Variants in CLASP1 observed in about 807,000 individuals in gnomAD.
The protein encoded by CLASP1 is CLIP-associating protein 1.
Under a neutral mutation model 192.3 loss-of-function variants are expected in CLASP1, and 38 were observed. That is an observed-to-expected ratio of 0.20 (90% confidence interval 0.15 to 0.26). The LOEUF is 0.26. CLASP1 is among the 10% of genes least tolerant of loss of function. CLASP1 has a pLI of 1.00. For missense variants in CLASP1, 1,433 were observed against 1,932.5 expected (o/e 0.74, Z 4.85); for synonymous variants, 691 against 712.8 (o/e 0.97, Z 0.49).
chr2:121,629,261 G>A (rs556541731), intron 1 of CLASP1, among the ~76,000 whole-genome samples: 34 of 152,122 alleles, frequency 2.2e-4, no homozygotes, highest in African/African-American at 8.0e-4. Context: ...ATGGTGGCAG[G>A]CACCTGCAGT....
chr2:121,548,876 A>G (rs2057729231), intron 2 of CLASP1, among the ~76,000 whole-genome samples: 1 of 152,220 alleles, frequency 6.6e-6, no homozygotes, highest in Admixed American at 6.5e-5. Flanking sequence ...ATGTTGAAGG[A>G]GTTCGTTACC....
chr2:121,339,002 G>A (rs2062569598), exon 40 of CLASP1: 1 of 152,484 alleles, frequency 6.6e-6, no homozygotes, highest in African/African-American at 2.4e-5. Context: ...AAAAGACCTG[G>A]TCCTGCTATA....
chr2:121,584,023 C>T (rs912917165), intron 2 of CLASP1, among the ~76,000 whole-genome samples: 12 of 152,106 alleles, frequency 7.9e-5, no homozygotes, highest in Admixed American at 2.0e-4. Context: ...AAGGTATCAT[C>T]CTGGTAGCCA....
chr2:121,435,196 T>G (rs768588653), intron 19 of CLASP1, among the ~76,000 whole-genome samples: 4 of 152,240 alleles, frequency 2.6e-5, no homozygotes, highest in Non-Finnish European at 5.9e-5. Context: ...TTGCTAGAGC[T>G]TTAAAATAAA....
At chr2:121,527,876 T>C in exon 5 of CLASP1, 1 of 1,613,738 alleles carries the variant, frequency 6.2e-7, no homozygotes. Context: ...CTCCAAGCAT[T>C]CTGTCCCATA....
chr2:121,497,690 TAGG>T (rs1318006591), intron 8 of CLASP1, among the ~76,000 whole-genome samples: 3 of 152,072 alleles, frequency 2.0e-5, no homozygotes, highest in Admixed American at 2.0e-4. Flanking sequence ...AGGAAGAAAC[TAGG>T]AGGAGGTCAG....
chr2:121,587,275 G>A (rs538846951), intron 2 of CLASP1, among the ~76,000 whole-genome samples: 1 of 152,160 alleles, frequency 6.6e-6, no homozygotes, highest in African/African-American at 2.4e-5. Context: ...ACAGAGAATA[G>A]ATCAGAACCT....
intron 8 of CLASP1, among the ~76,000 whole-genome samples, chr2:121,479,016 CCACACA>C (rs752871583): frequency 0.065 from 4,083 of 62,962 alleles, 291 homozygotes; most frequent in African/African-American, 0.21. Context: ...CACACACACA[CCACACA>C]CACACACACC....
intron 2 of CLASP1, among the ~76,000 whole-genome samples, chr2:121,557,895 A>C (rs991815031): frequency 2.0e-5 from 3 of 151,948 alleles, no homozygotes; most frequent in Non-Finnish European, 4.4e-5. Flanking sequence ...AGCCTGGACA[A>C]GATGGTGAAA....
intron 37 of CLASP1, among the ~76,000 whole-genome samples, chr2:121,359,981 C>T (rs144645411): frequency 6.6e-6 from 1 of 152,316 alleles, no homozygotes; most frequent in African/African-American, 2.4e-5. Context: ...AGAAAACAAG[C>T]CATCTTATCG....
At chr2:121,456,957 C>T (rs1318199343) in intron 14 of CLASP1, among the ~76,000 whole-genome samples, 4 of 152,194 alleles carry the variant, frequency 2.6e-5, no homozygotes, top group Admixed American at 2.6e-4. Flanking sequence ...CTACACAAAA[C>T]TATTCTGTAC....
chr2:121,612,922 T>C (rs975455749), intron 1 of CLASP1, among the ~76,000 whole-genome samples: 1 of 152,192 alleles, frequency 6.6e-6, no homozygotes, highest in Non-Finnish European at 1.5e-5. Flanking sequence ...AGTGTTGACA[T>C]CAAAGATTAT....
chr2:121,595,118 A>C (rs2062976189), intron 2 of CLASP1, among the ~76,000 whole-genome samples: 1 of 152,218 alleles, frequency 6.6e-6, no homozygotes, highest in Non-Finnish European at 1.5e-5. Context: ...TTATGCTCCA[A>C]TAAATGCTAC....
chr2:121,605,199 T>G (rs1308106972), intron 2 of CLASP1, among the ~76,000 whole-genome samples: 1 of 137,908 alleles, frequency 7.3e-6, no homozygotes, highest in East Asian at 2.4e-4. Flanking sequence ...TCTAGGCCAT[T>G]ACACACAGGT....
chr2:121,592,697 G>C (rs1408308210), intron 2 of CLASP1, among the ~76,000 whole-genome samples: 1 of 152,084 alleles, frequency 6.6e-6, no homozygotes, highest in Non-Finnish European at 1.5e-5. Flanking sequence ...CGTCACCCAG[G>C]CTGTAGTGCA....
At chr2:121,622,658 T>G (rs934274512) in intron 1 of CLASP1, among the ~76,000 whole-genome samples, 1 of 152,176 alleles carries the variant, frequency 6.6e-6, no homozygotes, top group Admixed American at 6.5e-5. Context: ...GTGAATGGAA[T>G]TGTTCCCTTG....
intron 37 of CLASP1, among the ~76,000 whole-genome samples, chr2:121,361,479 G>C (rs2066397811): frequency 6.6e-6 from 1 of 152,236 alleles, no homozygotes; most frequent in African/African-American, 2.4e-5. Context: ...AGTTCTGCCA[G>C]TAACTGCTAT....
chr2:121,620,365 T>C (rs1251864803), intron 1 of CLASP1, among the ~76,000 whole-genome samples: 1 of 152,184 alleles, frequency 6.6e-6, no homozygotes. Flanking sequence ...GCTTCTTTTT[T>C]TTTGAGATGA....
chr2:121,596,530 T>C (rs1048136810), intron 2 of CLASP1, among the ~76,000 whole-genome samples: 1 of 152,184 alleles, frequency 6.6e-6, no homozygotes, highest in Admixed American at 6.5e-5. Flanking sequence ...GAACCTCCCT[T>C]ATCTGTCAAC....
Sources: gnomAD v4.1 joint callset for allele counts (sites outside exome capture counted in the v4.1 genomes callset) on GRCh38, gnomAD v4.1.1 for gene constraint, MANE v1.5 for transcripts, NCBI Gene and HGNC (gene_info 2026-07-23, HGNC 2026-07-21) for gene names.